BICC1: variants seen among roughly 807,000 people sequenced by gnomAD.
BICC1 encodes the protein protein bicaudal C homolog 1.
In BICC1, 43 loss-of-function variants were observed where a neutral mutation model predicts 111.0. The ratio of observed to expected loss-of-function variants is 0.39; its 90% CI spans 0.30 to 0.50. The LOEUF (loss-of-function observed/expected upper bound fraction) is 0.50. Ranked by LOEUF, BICC1 falls within the 20% of genes least tolerant of loss-of-function variation. The pLI, the probability that BICC1 is intolerant of heterozygous loss-of-function variation, is 0.88. For missense variants in BICC1, 1,091 were observed against 1,203.2 expected (o/e 0.91, Z 1.38); for synonymous variants, 467 against 434.4 (o/e 1.07, Z -0.93).
intron 1 of BICC1, among the ~76,000 whole-genome samples, chr10:58,563,334 G>A (rs968909182): frequency 6.6e-6 from 1 of 152,126 alleles, no homozygotes; most frequent in African/African-American, 2.4e-5. Context: ...GCAGCTCCCT[G>A]TACCCTGACT....
At chr10:58,700,739 A>C (rs1239759197) in intron 2 of BICC1, among the ~76,000 whole-genome samples, 1 of 152,126 alleles carries the variant, frequency 6.6e-6, no homozygotes, top group African/African-American at 2.4e-5. Context: ...CAGTCAGAGA[A>C]GTAGTAGGGA....
At chr10:58,696,134 AT>A (rs1840058086) in intron 2 of BICC1, among the ~76,000 whole-genome samples, 1 of 152,120 alleles carries the variant, frequency 6.6e-6, no homozygotes, top group Non-Finnish European at 1.5e-5. Flanking sequence ...GGTACATGCA[AT>A]TTTATATTTA....
intron 19 of BICC1, among the ~76,000 whole-genome samples, chr10:58,819,819 T>C (rs1270506274): frequency 1.3e-5 from 2 of 152,136 alleles, no homozygotes; most frequent in Admixed American, 1.3e-4. Flanking sequence ...CCCTTCATGC[T>C]TTGTTCCTGA....
rs148578649 is a variant in BICC1 at position 58,778,808 on chromosome 10, G to A, written c.308-6193G>A. ...CCCACTAACGTTTTGCTTTAACTAT[G>A]TGTGGCTTGGGCTCTTTTACTCCCC... is the stretch of plus-strand genomic sequence containing the variant. On this transcript the variant is annotated intron_variant, in intron 3 of 20. Coordinates refer to ENST00000373886, the MANE Select transcript of BICC1 (RefSeq NM_001080512.3). 4.7e-4 allele frequency among the ~76,000 whole-genome samples: 72 copies of A among 152,320 alleles called. 1 individual carries two copies. In the East Asian group the frequency reaches 0.012, roughly 25 times the overall value.
At chr10:58,570,009 C>T (rs1470824874) in intron 1 of BICC1, among the ~76,000 whole-genome samples, 13 of 152,166 alleles carry the variant, frequency 8.5e-5, no homozygotes, top group African/African-American at 3.1e-4. Flanking sequence ...CTCCCAACAA[C>T]AGTGTAAAAA....
chr10:58,534,698 C>G (rs1842782024), intron 1 of BICC1, among the ~76,000 whole-genome samples: 1 of 151,362 alleles, frequency 6.6e-6, no homozygotes, highest in Admixed American at 6.6e-5. Context: ...TTCTGTAACA[C>G]CTCCCAAAAA....
intron 2 of BICC1, among the ~76,000 whole-genome samples, chr10:58,655,803 T>G (rs1484061264): frequency 7.0e-6 from 1 of 143,778 alleles, no homozygotes; most frequent in Non-Finnish European, 1.5e-5. Flanking sequence ...CCATTCAGTA[T>G]GATATTGGCT....
chr10:58,557,132 G>A (rs1416316316), intron 1 of BICC1, among the ~76,000 whole-genome samples: 6 of 151,980 alleles, frequency 3.9e-5, no homozygotes, highest in African/African-American at 1.2e-4. Flanking sequence ...TTTGAAAGAT[G>A]TTTTCGTTGA....
chr10:58,586,124 T>C lies in BICC1; in HGVS notation c.191-34731T>C, dbSNP rs1844419948. 2.0e-5 allele frequency among the ~76,000 whole-genome samples: 3 copies of C among 152,338 alleles called. No individual in the cohort carries two copies. In the South Asian group the frequency reaches 6.2e-4, roughly 32 times the overall value. ...ATGTAAGCATTTGTAGTTTCCTTCG[T>C]GAGGACTAAATCCATTCTAAGCAGA... is the stretch of plus-strand genomic sequence containing the variant. On this transcript the variant is annotated intron_variant, in intron 1 of 20. Transcript: ENST00000373886.
At chr10:58,768,821 C>G (rs892363793) in intron 3 of BICC1, among the ~76,000 whole-genome samples, 2 of 151,866 alleles carry the variant, frequency 1.3e-5, no homozygotes, top group East Asian at 3.9e-4. Flanking sequence ...GATAAAGAAT[C>G]AAACCATACC....
chr10:58,660,444 G>T, intron 2 of BICC1, among the ~76,000 whole-genome samples: 1 of 149,740 alleles, frequency 6.7e-6, no homozygotes, highest in Admixed American at 6.7e-5. Flanking sequence ...TGTGACTCTT[G>T]TTTTATAAAT....
chr10:58,701,715 G>A (rs1379355498), intron 2 of BICC1, among the ~76,000 whole-genome samples: 1 of 152,122 alleles, frequency 6.6e-6, no homozygotes, highest in East Asian at 1.9e-4. Flanking sequence ...CAATCCCTTG[G>A]CAATTGTCTT....
chr10:58,803,289 G>A lies in BICC1; in HGVS notation c.2181+47G>A, dbSNP rs558437594. ...AGCCACTCAAATGTCATATGTTTGG[G>A]TTCTGGTATGGAGAATTCAGTGAGT... On this transcript the variant is annotated intron_variant, in intron 15 of 20. Transcript: ENST00000373886. 9 of 1,522,598 alleles carry A rather than the reference G, an allele frequency of 5.9e-6. No individual in the cohort carries two copies. The African/African-American group carries it at 1.1e-4, about 19-fold the overall frequency. The allele number at this position is 1,522,598 out of a possible 1,614,324, so 94.3% of individuals were successfully genotyped here.
intron 3 of BICC1, among the ~76,000 whole-genome samples, chr10:58,737,902 G>A (rs189641213): frequency 2.6e-5 from 4 of 152,292 alleles, no homozygotes; most frequent in Admixed American, 2.6e-4. Context: ...AGAAGTGTCT[G>A]TTCATATCCT....
chr10:58,618,212 C>A (rs868006863), intron 1 of BICC1, among the ~76,000 whole-genome samples: 21 of 152,182 alleles, frequency 1.4e-4, no homozygotes, highest in African/African-American at 3.1e-4. Context: ...GCTGTGTGTC[C>A]AAGGCCTATG....
chr10:58,688,023 G>A lies in BICC1; in HGVS notation c.238-14051G>A, dbSNP rs943160657. On this transcript the variant is annotated intron_variant, in intron 2 of 20. Transcript: ENST00000373886. Reference sequence around the variant, plus strand: ...TACAGCTCTTAAAGGTGGCGCATACGTAGTTGTTTGTTCCTCCCGGTGGGT... The same window carrying A: ...TACAGCTCTTAAAGGTGGCGCATACATAGTTGTTTGTTCCTCCCGGTGGGT... Among the ~76,000 whole-genome samples the A allele has an allele frequency of 7.9e-5, 12 of 152,144 alleles. No individual in the cohort carries two copies. In the South Asian group the frequency reaches 8.3e-4, roughly 11 times the overall value.
At chr10:58,616,468 T>G (rs544380209) in intron 1 of BICC1, among the ~76,000 whole-genome samples, 13 of 152,202 alleles carry the variant, frequency 8.5e-5, no homozygotes, top group Non-Finnish European at 1.5e-4. Context: ...GCTCAAAGAC[T>G]CCGTATGTGC....
chr10:58,596,442 C>T (rs535295326), intron 1 of BICC1, among the ~76,000 whole-genome samples: 4 of 152,090 alleles, frequency 2.6e-5, no homozygotes, highest in Non-Finnish European at 5.9e-5. Flanking sequence ...ATGACAAACC[C>T]ACAGCCAATA....
intron 2 of BICC1, among the ~76,000 whole-genome samples, chr10:58,692,683 C>T (rs2132415006): frequency 6.6e-6 from 1 of 152,184 alleles, no homozygotes; most frequent in East Asian, 1.9e-4. Flanking sequence ...AAGGCGAGAG[C>T]ATCTTTTGTA....
Sources: gnomAD v4.1 joint callset for allele counts (sites outside exome capture counted in the v4.1 genomes callset) on GRCh38, gnomAD v4.1.1 for gene constraint, MANE v1.5 for transcripts, NCBI Gene and HGNC (gene_info 2026-07-23, HGNC 2026-07-21) for gene names.